Variants in TBC1D30 observed in about 807,000 individuals in gnomAD.
TBC1D30 encodes TBC1 domain family, member 30.
A neutral mutation model predicts 63.2 loss-of-function variants in TBC1D30; 31 were observed. The ratio of observed to expected loss-of-function variants is 0.49; its 90% CI spans 0.37 to 0.66. TBC1D30 has a LOEUF of 0.66. Ranked by LOEUF, TBC1D30 falls within the 30% of genes least tolerant of loss-of-function variation. The pLI is 0.00. For missense variants in TBC1D30, 810 were observed against 953.6 expected, an observed-to-expected ratio of 0.85 and a Z score of 1.98; for synonymous variants, 307 against 361.5, an observed-to-expected ratio of 0.85 and a Z score of 1.71.
chr12:64,803,006 A>G (rs1457039925), intron 2 of TBC1D30, among the ~76,000 whole-genome samples: 1 of 152,228 alleles, frequency 6.6e-6, no homozygotes, highest in Non-Finnish European at 1.5e-5. Flanking sequence ...CTATGGGTAT[A>G]TACCCAGTAA....
At chr12:64,773,825 T>C (rs1037911197) in intron 1 of TBC1D30, among the ~76,000 whole-genome samples, 4 of 152,012 alleles carry the variant, frequency 2.6e-5, no homozygotes, top group Non-Finnish European at 4.4e-5. Flanking sequence ...GATAATCCCA[T>C]AAAGATGAGA....
chr12:64,849,034 AG>A (rs1483439583), intron 8 of TBC1D30, among the ~76,000 whole-genome samples: 1 of 152,108 alleles, frequency 6.6e-6, no homozygotes, highest in Non-Finnish European at 1.5e-5. Flanking sequence ...AGTGATGATG[AG>A]CTTTCTTTCA....
chr12:64,867,208 G>A (rs965562209), intron 10 of TBC1D30, among the ~76,000 whole-genome samples: 8 of 152,118 alleles, frequency 5.3e-5, no homozygotes, highest in Non-Finnish European at 1.2e-4. Flanking sequence ...GCTCACGCTT[G>A]TAATCCCAGC....
chr12:64,831,446 G>GT (rs1415595134), intron 4 of TBC1D30, among the ~76,000 whole-genome samples: 1 of 151,746 alleles, frequency 6.6e-6, no homozygotes, highest in African/African-American at 2.4e-5. Flanking sequence ...TGCACCTTTT[G>GT]TAACAATCAT....
intron 1 of TBC1D30, among the ~76,000 whole-genome samples, chr12:64,772,233 G>A (rs1404022088): frequency 3.5e-5 from 4 of 115,278 alleles, no homozygotes; most frequent in Non-Finnish European, 5.1e-5. Flanking sequence ...GTGAAACTCT[G>A]TCTCAAAAAA....
chr12:64,874,381 C>G (rs1225920134), intron 11 of TBC1D30, among the ~76,000 whole-genome samples: 2 of 152,216 alleles, frequency 1.3e-5, no homozygotes. Context: ...AACCACGGCA[C>G]CTAGCTGAGG....
intron 2 of TBC1D30, among the ~76,000 whole-genome samples, chr12:64,808,765 C>T (rs1388394996): frequency 2.0e-5 from 3 of 152,074 alleles, no homozygotes; most frequent in African/African-American, 7.2e-5. Context: ...CCCTGGCAAC[C>T]CCCATTCAGT....
At chr12:64,846,994 C>T (rs569238291) in intron 8 of TBC1D30, among the ~76,000 whole-genome samples, 22 of 151,952 alleles carry the variant, frequency 1.4e-4, no homozygotes, top group Admixed American at 9.8e-4. Context: ...AGATTGTTCA[C>T]TGTTTGCATA....
At chr12:64,857,493 C>T (rs1024727351) in intron 8 of TBC1D30, among the ~76,000 whole-genome samples, 30 of 152,206 alleles carry the variant, frequency 2.0e-4, no homozygotes, top group African/African-American at 5.5e-4. Context: ...ACTCTTCATT[C>T]TCCTCTCCTT....
chr12:64,865,915 A>G (rs1188673148), intron 9 of TBC1D30, among the ~76,000 whole-genome samples: 2 of 152,194 alleles, frequency 1.3e-5, no homozygotes, highest in Admixed American at 1.3e-4. Flanking sequence ...CTTGTGTACC[A>G]TGATTGTGCA....
At chr12:64,789,398 G>A (rs1176130572) in intron 2 of TBC1D30, among the ~76,000 whole-genome samples, 1 of 151,892 alleles carries the variant, frequency 6.6e-6, no homozygotes, top group African/African-American at 2.4e-5. Context: ...TACCCAGGCT[G>A]GTCTTGAACT....
intron 8 of TBC1D30, among the ~76,000 whole-genome samples, chr12:64,849,618 T>C (rs12832107): frequency 0.072 from 10,944 of 152,240 alleles, 759 homozygotes; most frequent in African/African-American, 0.18. Context: ...CTCTGTTCTG[T>C]TCCATTGGTT....
chr12:64,801,924 G>A (rs112590805), intron 2 of TBC1D30, among the ~76,000 whole-genome samples: 27 of 152,174 alleles, frequency 1.8e-4, no homozygotes, highest in African/African-American at 6.0e-4. Context: ...ACTGCAGGAG[G>A]TTTTCTCCTA....
intron 8 of TBC1D30, among the ~76,000 whole-genome samples, chr12:64,860,314 G>A (rs1478948818): frequency 1.3e-5 from 2 of 151,888 alleles, no homozygotes; most frequent in East Asian, 3.9e-4. Flanking sequence ...CACCATGCTT[G>A]GCTAATTTTT....
chr12:64,800,096 ACTCC>A (rs1486974001), intron 2 of TBC1D30, among the ~76,000 whole-genome samples: 2 of 151,928 alleles, frequency 1.3e-5, no homozygotes, highest in African/African-American at 4.8e-5. Flanking sequence ...ACAGAGTGAG[ACTCC>A]CTCTCAAACA....
At chr12:64,823,132 C>T (rs1404645122), upstream of TBC1D30, among the ~76,000 whole-genome samples, 1 of 152,090 alleles carries the variant, frequency 6.6e-6, no homozygotes, top group East Asian at 1.9e-4. Context: ...TGGTTATACA[C>T]ATATTTTCTA....
rs746135122 is a variant in TBC1D30, at chr12:64,875,080, G to A, written c.1578G>A (p.Lys526=). The A allele has an allele frequency of 4.6e-6, 7 of 1,536,490 alleles. No homozygotes were observed. In the South Asian group the frequency reaches 8.3e-5, roughly 18 times the overall value. The change falls in exon 12 of 12, where the codon AAG becomes AAA. Residue 526 remains lysine (K), a synonymous_variant. Coordinates refer to ENST00000539867, the MANE Select transcript of TBC1D30 (RefSeq NM_015279.2). The part of the protein sequence containing the change: ...PVINHLLLGK[K]MKMTNRAAKN... ...TAAACCACCTTCTTTTAGGAAAGAAGATGAAAATGACTAACAGAGCTGCCA... is the reference window on the plus strand; with the variant it reads ...TAAACCACCTTCTTTTAGGAAAGAAAATGAAAATGACTAACAGAGCTGCCA...
intron 2 of TBC1D30, among the ~76,000 whole-genome samples, chr12:64,797,502 GTC>G (rs2136311418): frequency 6.6e-6 from 1 of 152,226 alleles, no homozygotes; most frequent in Non-Finnish European, 1.5e-5. Context: ...TGCACATTCT[GTC>G]TCTGCATCTA....
intron 2 of TBC1D30, among the ~76,000 whole-genome samples, chr12:64,803,074 T>A (rs868539209): frequency 3.9e-5 from 6 of 152,232 alleles, no homozygotes; most frequent in Non-Finnish European, 7.3e-5. Flanking sequence ...ATCGCCACAC[T>A]GACTTCCACA....
Sources: gnomAD v4.1 joint callset for allele counts (sites outside exome capture counted in the v4.1 genomes callset) on GRCh38, gnomAD v4.1.1 for gene constraint, MANE v1.5 for transcripts, NCBI Gene and HGNC (gene_info 2026-07-23, HGNC 2026-07-21) for gene names.